The following C4orf50 variants were observed in gnomAD, a reference collection of about 807,000 sequenced individuals.
C4orf50 encodes chromosome 4 open reading frame 50, also known as uncharacterized protein C4orf50.
A neutral mutation model predicts 77.2 loss-of-function variants in C4orf50; 80 were observed. The observed-to-expected ratio is 1.04, with a 90% CI of 0.87 to 1.25. The LOEUF (loss-of-function observed/expected upper bound fraction) is 1.25. Among genes scored for constraint, C4orf50 ranks in the 50% most tolerant of loss-of-function variants. The pLI is 0.00. For missense variants in C4orf50, 1,257 were observed against 1,152.9 expected (o/e 1.09, Z -1.31); for synonymous variants, 532 against 465.3 (o/e 1.14, Z -1.84).
intron 7 of C4orf50, among the ~76,000 whole-genome samples, chr4:5,944,184 T>C (rs1035099592): frequency 1.3e-5 from 2 of 152,144 alleles, no homozygotes; most frequent in East Asian, 1.9e-4. Context: ...TGGAGAGTCA[T>C]AGTGGACAGT....
chr4:5,906,702 G>A (rs759064956), intron 7 of C4orf50, among the ~76,000 whole-genome samples: 9 of 152,288 alleles, frequency 5.9e-5, no homozygotes, highest in Middle Eastern at 3.4e-3. Flanking sequence ...GCTCGTGGCC[G>A]CATCCATCCC....
rs1717794292 is a variant in C4orf50 at position 5,932,105 on chromosome 4, G to A, written c.*2474+24796C>T. Among the ~76,000 whole-genome samples the A allele has an allele frequency of 7.5e-6, 1 of 133,108 alleles. No homozygotes were observed. Among genetic ancestry groups the A allele is most frequent in the Admixed American group, 9.3e-5 (1 of 10,772 alleles). The allele number at this position is 133,108 out of a possible 152,430, so 87.3% of individuals were successfully genotyped here. On this transcript the variant is annotated intron_variant, in intron 7 of 7. Coordinates refer to the C4orf50 transcript ENST00000324058. This position sits in a 1 kb window ranked among gnomAD's most constrained non-coding sequence, Gnocchi z 4.2. ...ATTTCCGTGCAATGTTTGGCCTCTT[G>A]CCCCCCTCTCAGCTGAGGAAGGCAG...
intron 7 of C4orf50, among the ~76,000 whole-genome samples, chr4:5,918,694 C>A (rs74765783): frequency 0.052 from 7,913 of 152,266 alleles, 339 homozygotes; most frequent in African/African-American, 0.11. Context: ...ATCCCAAAGG[C>A]ATACTAAGGA....
chr4:5,972,499 A>C (rs1251479116), intron 31 of C4orf50, among the ~76,000 whole-genome samples: 1 of 152,166 alleles, frequency 6.6e-6, no homozygotes, highest in East Asian at 1.9e-4. Flanking sequence ...CTGCCTATGA[A>C]TTGAGTCAAA....
In C4orf50 at chr4:5,952,053, A is replaced by G. The variant is rs1404869034; in HGVS notation, c.*2474+4848T>C. 6.6e-6 allele frequency among the ~76,000 whole-genome samples: 1 copy of G among 152,256 alleles called. No individual in the cohort carries two copies. Among genetic ancestry groups the G allele is most frequent in the Non-Finnish European group, 1.5e-5 (1 of 68,040 alleles). On this transcript the variant is annotated intron_variant, in intron 7 of 7. Transcript: ENST00000324058. This position sits in a 1 kb window ranked among gnomAD's most constrained non-coding sequence, Gnocchi z 4.4. ...ATATGTGCTTGGAAGTGCCATTAAA[A>G]TAAAATGAATCAACTAGTTCATGGA...
intron 7 of C4orf50, among the ~76,000 whole-genome samples, chr4:5,934,745 C>A (rs992516953): frequency 3.3e-5 from 5 of 152,204 alleles, no homozygotes; most frequent in African/African-American, 1.2e-4. Flanking sequence ...TTGTAAATAA[C>A]AATAGCAACA....
intron 7 of C4orf50, among the ~76,000 whole-genome samples, chr4:5,906,701 C>T (rs1022122360): frequency 5.9e-5 from 9 of 152,270 alleles, no homozygotes; most frequent in South Asian, 2.1e-4. Context: ...AGCTCGTGGC[C>T]GCATCCATCC....
At chr4:5,969,551 A>G (rs1345056775) in intron 31 of C4orf50, among the ~76,000 whole-genome samples, 1 of 151,910 alleles carries the variant, frequency 6.6e-6, no homozygotes, top group Non-Finnish European at 1.5e-5. Context: ...CTCCCCTGCT[A>G]GTATGCCCAA....
At chr4:5,952,326 A>G (rs1577924416), downstream of C4orf50, among the ~76,000 whole-genome samples, 1 of 152,240 alleles carries the variant, frequency 6.6e-6, no homozygotes, top group South Asian at 2.1e-4. The surrounding 1 kb of genome is among the most constrained non-coding windows in gnomAD (Gnocchi z 4.4). Flanking sequence ...GCCACTTTTT[A>G]GCTTTCTTTG....
intron 25 of C4orf50, among the ~76,000 whole-genome samples, chr4:5,999,147 A>G (rs542556547): frequency 4.1e-4 from 63 of 152,326 alleles, no homozygotes; most frequent in African/African-American, 1.5e-3. Flanking sequence ...TGTGAATATG[A>G]AGCAAAGGAA....
chr4:5,921,596 G>A (rs1212122181), intron 7 of C4orf50, among the ~76,000 whole-genome samples: 1 of 152,104 alleles, frequency 6.6e-6, no homozygotes, highest in Admixed American at 6.5e-5. Flanking sequence ...GGAGGCTCAG[G>A]GGTGGGGAGA....
intron 7 of C4orf50, among the ~76,000 whole-genome samples, chr4:5,906,458 A>C (rs1210007130): frequency 6.6e-6 from 1 of 152,114 alleles, no homozygotes; most frequent in African/African-American, 2.4e-5. Flanking sequence ...AGTAGCGGAG[A>C]GAGTGGGTCT....
intron 7 of C4orf50, among the ~76,000 whole-genome samples, chr4:5,939,795 G>A (rs1718186343): frequency 6.6e-6 from 1 of 152,130 alleles, no homozygotes; most frequent in Non-Finnish European, 1.5e-5. Flanking sequence ...CCCAGCAGGA[G>A]AGCAGCACTG....
rs1721762806 is a variant in C4orf50 at position 6,000,040 on chromosome 4, A to C, written c.964-5564T>G. Among the ~76,000 whole-genome samples the C allele has an allele frequency of 6.6e-6, 1 of 151,984 alleles. No homozygotes were observed. Among genetic ancestry groups the C allele is most frequent in the Non-Finnish European group, 1.5e-5 (1 of 67,980 alleles). On this transcript the variant is annotated intron_variant, in intron 25 of 33. Transcript: ENST00000531445. This position sits in a 1 kb window ranked among gnomAD's most constrained non-coding sequence, Gnocchi z 6.0. ...GGATAGGAGGTTGAACTTGATCCTG[A>C]GGCCGTGGGCAGCCATGGTGGGGTG...
At chr4:5,935,897 T>TC (rs917386813) in intron 7 of C4orf50, among the ~76,000 whole-genome samples, 2 of 151,540 alleles carry the variant, frequency 1.3e-5, no homozygotes, top group Non-Finnish European at 1.5e-5. Flanking sequence ...AAGGTTAAGT[T>TC]CCCCCAAGAA....
At chr4:5,985,397 A>C (rs1214136836) in intron 28 of C4orf50, among the ~76,000 whole-genome samples, 1 of 152,044 alleles carries the variant, frequency 6.6e-6, no homozygotes, top group East Asian at 1.9e-4. Context: ...ACAAAAATAA[A>C]TAATAAAAAG....
At chr4:5,918,554 G>A (rs535673986) in intron 7 of C4orf50, among the ~76,000 whole-genome samples, 4 of 152,314 alleles carry the variant, frequency 2.6e-5, no homozygotes, top group East Asian at 1.9e-4. Context: ...AGCCCAGAGA[G>A]GAGTGGAGCT....
At chr4:5,990,376 C>G (rs1721197145) in exon 28 of C4orf50, 1 of 449,914 alleles carries the variant, frequency 2.2e-6, no homozygotes, top group African/African-American at 2.0e-5. Flanking sequence ...TTCAGTTCTC[C>G]CCGCAAGGCT....
chr4:5,981,447 C>T (rs1472853925), intron 28 of C4orf50, among the ~76,000 whole-genome samples: 4 of 146,906 alleles, frequency 2.7e-5, no homozygotes, highest in African/African-American at 5.1e-5. Flanking sequence ...TTTTGTTGTC[C>T]AGGCTGGAGT....
Sources: allele counts gnomAD v4.1 joint callset (sites outside exome capture counted in the v4.1 genomes callset), GRCh38; gene constraint gnomAD v4.1.1; non-coding constraint Gnocchi (gnomAD v3.1); transcripts MANE v1.5; gene names NCBI Gene and HGNC (gene_info 2026-07-23, HGNC 2026-07-21).